The following STK39 variants were observed in gnomAD, a reference collection of about 807,000 sequenced individuals.
The protein encoded by STK39 is STE20/SPS1-related proline-alanine-rich protein kinase.
Under a neutral mutation model 77.8 loss-of-function variants are expected in STK39, and 20 were observed. That is an observed-to-expected ratio of 0.26 (90% CI 0.18 to 0.37). The LOEUF is 0.37. STK39 is among the 10% of genes least tolerant of loss of function. The pLI, the probability that STK39 is intolerant of heterozygous loss-of-function variation, is 1.00. For synonymous variants in STK39, 246 were observed against 234.1 expected (o/e 1.05, Z -0.47); for missense variants, 479 against 656.5 (o/e 0.73, Z 2.95).
chr2:167,982,121 A>G (rs1683435262), intron 16 of STK39, among the ~76,000 whole-genome samples: 1 of 152,262 alleles, frequency 6.6e-6, no homozygotes, highest in Non-Finnish European at 1.5e-5. Flanking sequence ...GTCCTGCCAC[A>G]GGACACAGAG....
rs117655306 is a variant in STK39 at position 168,246,627 on chromosome 2, G to A, written c.208+601C>T. Among the ~76,000 whole-genome samples the A allele has an allele frequency of 2.2e-3, 335 of 152,334 alleles. 6 individuals carry two copies. In the East Asian group the frequency reaches 0.035, roughly 16 times the overall value. ...AGTGGCGCGGAGAGCCGGGCTGCAAGGCGGGCGTGGAGTGGCGGCTGTCAG... is the reference window on the plus strand; with the variant it reads ...AGTGGCGCGGAGAGCCGGGCTGCAAAGCGGGCGTGGAGTGGCGGCTGTCAG... On this transcript the variant is annotated intron_variant, in intron 1 of 17. Coordinates refer to ENST00000355999, the MANE Select transcript of STK39 (RefSeq NM_013233.3).
At chr2:168,137,391 C>G (rs1247061590) in intron 8 of STK39, among the ~76,000 whole-genome samples, 1 of 152,156 alleles carries the variant, frequency 6.6e-6, no homozygotes, top group Non-Finnish European at 1.5e-5. Flanking sequence ...TAACAATCTC[C>G]TCTAGGTGAC....
chr2:168,081,467 C>G (rs1021119059), intron 10 of STK39, among the ~76,000 whole-genome samples: 4 of 152,138 alleles, frequency 2.6e-5, no homozygotes, highest in Admixed American at 1.3e-4. Flanking sequence ...AATTCCTGTA[C>G]CCCCACTGTA....
intron 1 of STK39, among the ~76,000 whole-genome samples, chr2:168,231,699 A>T (rs534188089): frequency 6.6e-6 from 1 of 152,108 alleles, no homozygotes; most frequent in South Asian, 2.1e-4. Flanking sequence ...TAATCTATCA[A>T]TTTTTCTCTG....
At chr2:168,066,343 C>A (rs1319511725) in intron 12 of STK39, among the ~76,000 whole-genome samples, 1 of 152,080 alleles carries the variant, frequency 6.6e-6, no homozygotes, top group Non-Finnish European at 1.5e-5. Context: ...AATGATGATA[C>A]CTAGATTATA....
At chr2:167,959,923 C>T (rs1186203875) in intron 17 of STK39, among the ~76,000 whole-genome samples, 2 of 152,168 alleles carry the variant, frequency 1.3e-5, no homozygotes, top group Non-Finnish European at 2.9e-5. Context: ...TTTTGACATC[C>T]AGGATCCCCT....
chr2:167,966,993 A>G (rs1692175916), intron 16 of STK39, among the ~76,000 whole-genome samples: 1 of 152,082 alleles, frequency 6.6e-6, no homozygotes, highest in South Asian at 2.1e-4. Context: ...CCATCTCCTG[A>G]CTGTGCACCT....
intron 1 of STK39, among the ~76,000 whole-genome samples, chr2:168,196,981 A>G (rs535728879): frequency 6.2e-4 from 94 of 152,250 alleles, no homozygotes; most frequent in African/African-American, 2.1e-3. Flanking sequence ...CCTGTAGACC[A>G]AGGTGAGTAC....
intron 10 of STK39, among the ~76,000 whole-genome samples, chr2:168,098,175 C>A (rs1240806508): frequency 6.6e-6 from 1 of 152,194 alleles, no homozygotes; most frequent in Non-Finnish European, 1.5e-5. Context: ...TTTCGGCACC[C>A]AAGAAATATT....
chr2:168,046,137 G>A (rs1380747551), intron 14 of STK39, among the ~76,000 whole-genome samples: 11 of 152,286 alleles, frequency 7.2e-5, no homozygotes, highest in African/African-American at 2.6e-4. Context: ...GGAGGCTGAG[G>A]CGGGCGGATC....
intron 10 of STK39, among the ~76,000 whole-genome samples, chr2:168,087,630 C>T (rs1686403901): frequency 6.6e-6 from 1 of 152,204 alleles, no homozygotes; most frequent in South Asian, 2.1e-4. Flanking sequence ...CTTGCCTAGA[C>T]CGCCCCCATA....
chr2:167,965,630 T>C (rs376615698), intron 16 of STK39, among the ~76,000 whole-genome samples: 3 of 152,196 alleles, frequency 2.0e-5, no homozygotes, highest in African/African-American at 7.2e-5. Context: ...ATAAGGGCTA[T>C]TGCTTAGGGA....
At chr2:168,067,139 T>C (rs769426408) in intron 12 of STK39, among the ~76,000 whole-genome samples, 2 of 152,172 alleles carry the variant, frequency 1.3e-5, no homozygotes, top group Non-Finnish European at 2.9e-5. Flanking sequence ...CAAGAATCAC[T>C]GGAACCCAGA....
At chr2:168,244,581 A>C (rs1690852470) in intron 1 of STK39, among the ~76,000 whole-genome samples, 1 of 152,246 alleles carries the variant, frequency 6.6e-6, no homozygotes, top group African/African-American at 2.4e-5. Flanking sequence ...TTCTGCGTGT[A>C]ATGTTTAAGC....
rs967653837 is a variant in STK39 at position 167,955,217 on chromosome 2, A to C, written c.*279T>G. On this transcript the variant is annotated 3_prime_UTR_variant, in exon 18 of 18. Coordinates refer to ENST00000355999, the MANE Select transcript of STK39 (RefSeq NM_013233.3). ...CCAAATTGATTGCTAAGAATATTAAATAGCTTTTGGAAAAATGAGCAACAG... is the reference window on the plus strand; with the variant it reads ...CCAAATTGATTGCTAAGAATATTAACTAGCTTTTGGAAAAATGAGCAACAG... 4 of 255,376 alleles carry C rather than the reference A, an allele frequency of 1.6e-5. No individual in the cohort carries two copies. Among genetic ancestry groups the C allele is most frequent in the Non-Finnish European group, 3.0e-5 (4 of 132,508 alleles). 15.8% of individuals were successfully genotyped at this position (255,376 alleles called of 1,614,324 possible). A position where few individuals can be genotyped will look rare whatever the true frequency, so the allele number is the denominator to read the frequency against.
At chr2:168,099,790 C>T (rs949490744) in intron 10 of STK39, among the ~76,000 whole-genome samples, 6 of 151,810 alleles carry the variant, frequency 4.0e-5, no homozygotes, top group Admixed American at 1.3e-4. Context: ...AACAAAAAAG[C>T]ATGTTTTTAG....
At chr2:168,033,198 G>A (rs1289830259) in intron 14 of STK39, among the ~76,000 whole-genome samples, 3 of 151,956 alleles carry the variant, frequency 2.0e-5, no homozygotes, top group Admixed American at 6.6e-5. Context: ...TTCTAGGTAC[G>A]GAAGTCAGCA....
At chr2:168,020,366 T>TA (rs1221800063) in intron 14 of STK39, among the ~76,000 whole-genome samples, 4 of 152,118 alleles carry the variant, frequency 2.6e-5, no homozygotes, top group Non-Finnish European at 5.9e-5. Context: ...GCTCGAATCT[T>TA]ACAATTGTTT....
At chr2:168,123,373 T>G (rs751025322) in intron 10 of STK39, among the ~76,000 whole-genome samples, 18 of 152,230 alleles carry the variant, frequency 1.2e-4, no homozygotes, top group Non-Finnish European at 1.9e-4. Context: ...CTTTTCCTAA[T>G]TTTGAAAACT....
Sources: allele counts gnomAD v4.1 joint callset (sites outside exome capture counted in the v4.1 genomes callset), GRCh38; gene constraint gnomAD v4.1.1; transcripts MANE v1.5; gene names NCBI Gene and HGNC (gene_info 2026-07-23, HGNC 2026-07-21).